CSF2RA: variants seen among roughly 807,000 people sequenced by gnomAD.
CSF2RA encodes the protein colony stimulating factor 2 receptor subunit alpha, also known as granulocyte-macrophage colony-stimulating factor receptor subunit alpha.
Under a neutral mutation model 51.6 loss-of-function variants are expected in CSF2RA, and 42 were observed. That is an observed-to-expected ratio of 0.81 (90% confidence interval 0.64 to 1.05). CSF2RA has a LOEUF of 1.05. Ranked by LOEUF, CSF2RA falls within the 50% of genes least tolerant of loss-of-function variation. The pLI is 0.00. For missense variants in CSF2RA, 530 were observed against 501.1 expected, an observed-to-expected ratio of 1.06 and a Z score of -0.55; for synonymous variants, 222 against 193.0, an observed-to-expected ratio of 1.15 and a Z score of -1.24.
chrX:1,306,201 CAA>C (rs1223818303), intron 12 of CSF2RA, among the ~76,000 whole-genome samples: 1 of 150,974 alleles, frequency 6.6e-6, no homozygotes, highest in Non-Finnish European at 1.5e-5. Context: ...TGAGGAGACA[CAA>C]AAGAGAGGGA....
In CSF2RA at chrX:1,290,378, C is replaced by T. The variant is rs762982746; in HGVS notation, c.515C>T (p.Ser172Leu). 1 of 1,613,608 alleles carries T rather than the reference C, an allele frequency of 6.2e-7. No homozygotes were observed. The highest frequency in any genetic ancestry group is 1.3e-5 in the African/African-American group (1 of 74,888). ...CGGTGTCCTTATTACATACAAGACT[C>T]AGGAACCCATGTGGGATGTCACCTG... ...EIRCPYYIQD[S>L]GTHVGCHLDN... The change falls in exon 7 of 13, where the codon TCA (serine) becomes TTA (leucine). Residue 172 changes from serine to leucine, a missense_variant. Physicochemically the swap from Ser to Leu is moderately radical, Grantham distance 145. Transcript: ENST00000381529.
chrX:1,293,425 T>G (rs1369884858), intron 7 of CSF2RA, among the ~76,000 whole-genome samples: 2 of 152,120 alleles, frequency 1.3e-5, no homozygotes, highest in Non-Finnish European at 1.5e-5. Flanking sequence ...TTCACCGTGT[T>G]AGCCAGGATG....
chrX:1,310,630 C>G (rs556586434), downstream of CSF2RA, among the ~76,000 whole-genome samples: 4 of 148,440 alleles, frequency 2.7e-5, no homozygotes, highest in South Asian at 8.6e-4. Context: ...ATCACAACAC[C>G]GCACTCCAGC....
chrX:1,301,021 C>G (rs1280704752), intron 10 of CSF2RA, among the ~76,000 whole-genome samples: 2 of 151,460 alleles, frequency 1.3e-5, no homozygotes, highest in African/African-American at 4.9e-5. Flanking sequence ...AGCATTGTGG[C>G]AGGTGCCTGT....
At chrX:1,315,616 G>T in the CSF2RA span, among the ~76,000 whole-genome samples, 1 of 152,034 alleles carries the variant, frequency 6.6e-6, no homozygotes, top group Non-Finnish European at 1.5e-5. Flanking sequence ...TGTTGGCCAG[G>T]CTGGTCTCGA....
the CSF2RA span, among the ~76,000 whole-genome samples, chrX:1,323,035 A>G: frequency 6.6e-6 from 1 of 151,946 alleles, no homozygotes; most frequent in African/African-American, 2.4e-5. Flanking sequence ...AGGCTGAGGC[A>G]GGAGAATGGC....
intron 6 of CSF2RA, among the ~76,000 whole-genome samples, chrX:1,290,017 TTG>T (rs1267119860): frequency 2.7e-5 from 4 of 150,192 alleles, no homozygotes; most frequent in South Asian, 4.3e-4. Context: ...GTGTTTTGTT[TTG>T]TGTTTTTGTG....
At chrX:1,307,779 G>A (rs2083794851) in intron 12 of CSF2RA, among the ~76,000 whole-genome samples, 1 of 142,718 alleles carries the variant, frequency 7.0e-6, no homozygotes, top group African/African-American at 2.5e-5. Context: ...ATTAGATGAG[G>A]CCCACCTTTC....
In CSF2RA at chrX:1,309,009, C is replaced by T. The variant is rs186363247; in HGVS notation, c.1126-393C>T. Among the ~76,000 whole-genome samples the T allele has an allele frequency of 3.5e-3, 536 of 152,096 alleles. 4 individuals carry two copies. Among genetic ancestry groups the T allele is most frequent in the African/African-American group, 0.013 (520 of 41,506 alleles). The stretch of plus-strand genomic sequence containing the variant: ...TTGGGAGGCCGAGGCGAGTGGATCA[C>T]CTCGAGGTCAGGAGTTTGAGACCAG... On this transcript the variant is annotated intron_variant, in intron 12 of 12. Coordinates refer to ENST00000381529, the MANE Select transcript of CSF2RA (RefSeq NM_172245.4).
chrX:1,281,338 T>TGCA (rs2090033412), intron 2 of CSF2RA, among the ~76,000 whole-genome samples: 1 of 135,020 alleles, frequency 7.4e-6, no homozygotes, highest in African/African-American at 2.8e-5. Context: ...CTCCTCCTCC[T>TGCA]CCTTCTCCTC....
At chrX:1,286,557 A>T (rs1455296521) in intron 4 of CSF2RA, among the ~76,000 whole-genome samples, 1 of 144,272 alleles carries the variant, frequency 6.9e-6, no homozygotes, top group African/African-American at 2.7e-5. Context: ...CAACAAGAGC[A>T]AAACTCTGTC....
intron 2 of CSF2RA, 33 bp downstream of exon 2, chrX:1,274,851 G>A (rs1451021411): frequency 2.2e-6 from 1 of 453,276 alleles, no homozygotes; most frequent in Non-Finnish European, 4.4e-6. Context: ...CGGTAATGTG[G>A]TTGGGGATTT....
At chrX:1,314,176 A>G (rs1221358352), downstream of CSF2RA, among the ~76,000 whole-genome samples, 2 of 139,074 alleles carry the variant, frequency 1.4e-5, no homozygotes, top group Non-Finnish European at 1.5e-5. Flanking sequence ...GGCTGTCAAT[A>G]TTGGCTGAGA....
At chrX:1,291,764 C>T (rs2091423406) in intron 7 of CSF2RA, among the ~76,000 whole-genome samples, 1 of 150,846 alleles carries the variant, frequency 6.6e-6, no homozygotes, top group Non-Finnish European at 1.5e-5. Flanking sequence ...ACCACCTCCA[C>T]CTGGACCCAG....
intron 12 of CSF2RA, among the ~76,000 whole-genome samples, chrX:1,306,413 G>A (rs1336942809): frequency 3.3e-5 from 5 of 151,972 alleles, no homozygotes; most frequent in Admixed American, 6.6e-5. Context: ...TTGGGAGGCC[G>A]AGGCGGGTGG....
chrX:1,319,338 G>A, the CSF2RA span, among the ~76,000 whole-genome samples: 4 of 148,364 alleles, frequency 2.7e-5, no homozygotes, highest in African/African-American at 9.8e-5. Flanking sequence ...CCTTTGCCCA[G>A]GCTGGAGTGC....
downstream of CSF2RA, among the ~76,000 whole-genome samples, chrX:1,315,164 G>A (rs1343392733): frequency 6.6e-6 from 1 of 152,134 alleles, no homozygotes; most frequent in Non-Finnish European, 1.5e-5. Flanking sequence ...TCAGGGTTGT[G>A]CAGGTGGAGA....
chrX:1,288,495 CTCTG>C lies in CSF2RA; in HGVS notation c.220-19_220-16del, dbSNP rs758574257. 1 of 1,613,880 alleles carries C rather than the reference CTCTG, an allele frequency of 6.2e-7. No homozygotes were observed. Among genetic ancestry groups the C allele is most frequent in the Non-Finnish European group, 8.5e-7 (1 of 1,179,836 alleles). Reference sequence around the variant, plus strand: ...AGACAGAAGGTTGTTTCCTAATCGGCTCTGTCTGGTTGCAATTCTTCAGCTCAGT... The same window carrying C: ...AGACAGAAGGTTGTTTCCTAATCGGCTCTGGTTGCAATTCTTCAGCTCAGT... On this transcript the variant is annotated intron_variant, in intron 4 of 12. Coordinates refer to ENST00000381529, the MANE Select transcript of CSF2RA (RefSeq NM_172245.4).
At chrX:1,316,307 C>T in the CSF2RA span, among the ~76,000 whole-genome samples, 4,941 of 111,854 alleles carry the variant, frequency 0.044, 103 homozygotes, top group African/African-American at 0.083. Flanking sequence ...GATAGATAGA[C>T]AGACAGACAG....
Sources: gnomAD v4.1 joint callset for allele counts (sites outside exome capture counted in the v4.1 genomes callset) on GRCh38, gnomAD v4.1.1 for gene constraint, MANE v1.5 for transcripts, NCBI Gene and HGNC (gene_info 2026-07-23, HGNC 2026-07-21) for gene names.